Variants in DPP10 observed in about 807,000 individuals in gnomAD.
DPP10 encodes dipeptidyl peptidase like 10.
DPP10 carries 33 observed loss-of-function variants against 120.9 expected under a neutral mutation model. The ratio of observed to expected loss-of-function variants is 0.27; its 90% CI spans 0.21 to 0.37. The LOEUF is 0.37. DPP10 is among the 10% of genes least tolerant of loss of function. DPP10 has a pLI of 1.00. For synonymous variants in DPP10, 337 were observed against 326.1 expected (o/e 1.03, Z -0.36); for missense variants, 816 against 942.8 (o/e 0.87, Z 1.76).
intron 1 of DPP10, among the ~76,000 whole-genome samples, chr2:115,085,667 A>T (rs79359708): frequency 0.056 from 8,517 of 152,260 alleles, 305 homozygotes; most frequent in East Asian, 0.15. Context: ...CCTTTAAAAA[A>T]CAGTGTTCCT....
chr2:115,279,094 C>G (rs2105860268), intron 1 of DPP10, among the ~76,000 whole-genome samples: 1 of 152,246 alleles, frequency 6.6e-6, no homozygotes, highest in East Asian at 1.9e-4. Flanking sequence ...TCAAGTTAGA[C>G]TTCACCAAAA....
intron 3 of DPP10, among the ~76,000 whole-genome samples, chr2:115,344,517 G>A (rs1353603003): frequency 1.3e-4 from 20 of 152,048 alleles, no homozygotes; most frequent in African/African-American, 4.6e-4. Context: ...AAGCTAGTGA[G>A]ACTCTATGCA....
intron 17 of DPP10, among the ~76,000 whole-genome samples, chr2:115,788,573 A>G (rs932997871): frequency 6.6e-6 from 1 of 152,248 alleles, no homozygotes; most frequent in Non-Finnish European, 1.5e-5. Context: ...TACAAATGCT[A>G]TAGATATTAG....
chr2:115,262,618 T>G (rs534445652), intron 1 of DPP10, among the ~76,000 whole-genome samples: 4 of 152,242 alleles, frequency 2.6e-5, no homozygotes, highest in Admixed American at 2.6e-4. Flanking sequence ...AAATAAAAAT[T>G]CAAGTTTTCC....
intron 21 of DPP10, among the ~76,000 whole-genome samples, chr2:115,819,526 T>G (rs1395107642): frequency 6.6e-6 from 1 of 152,198 alleles, no homozygotes; most frequent in Non-Finnish European, 1.5e-5. Context: ...CATCCCTCTT[T>G]TTTTTGTTCA....
chr2:115,303,261 A>G (rs1197353530), intron 1 of DPP10, among the ~76,000 whole-genome samples: 3 of 151,982 alleles, frequency 2.0e-5, no homozygotes, highest in African/African-American at 7.2e-5. Flanking sequence ...TAAATAGTGC[A>G]AAAGTTATTT....
chr2:115,376,624 A>G (rs1047821923), intron 3 of DPP10, among the ~76,000 whole-genome samples: 24 of 151,426 alleles, frequency 1.6e-4, no homozygotes, highest in Non-Finnish European at 2.7e-4. Flanking sequence ...AGATGTATAC[A>G]TGTGCCATGC....
At chr2:114,932,947 T>C (rs1041339609) in intron 1 of DPP10, among the ~76,000 whole-genome samples, 4 of 152,182 alleles carry the variant, frequency 2.6e-5, no homozygotes, top group East Asian at 1.9e-4. Context: ...GCCTTATCTA[T>C]CTTTAAGTGG....
chr2:115,185,592 G>C (rs988549877), intron 1 of DPP10, among the ~76,000 whole-genome samples: 1 of 152,072 alleles, frequency 6.6e-6, no homozygotes, highest in African/African-American at 2.4e-5. Flanking sequence ...GTCAATCTAT[G>C]TTAAAACCAC....
At chr2:114,445,005 A>G (rs1008382999) in intron 1 of DPP10, among the ~76,000 whole-genome samples, 7 of 152,198 alleles carry the variant, frequency 4.6e-5, no homozygotes, top group Admixed American at 3.3e-4. Context: ...AATTTATACT[A>G]AAAATGGCTA....
At chr2:114,592,851 T>C (rs577344087) in intron 1 of DPP10, among the ~76,000 whole-genome samples, 12 of 152,324 alleles carry the variant, frequency 7.9e-5, no homozygotes, top group Admixed American at 1.3e-4. Context: ...ATACCTTAAA[T>C]GTTTATGTGT....
At chr2:115,617,087 T>C (rs2084562097) in intron 5 of DPP10, among the ~76,000 whole-genome samples, 1 of 150,308 alleles carries the variant, frequency 6.7e-6, no homozygotes, top group African/African-American at 2.4e-5. Flanking sequence ...TTTATAATTT[T>C]ATATTTTAGA....
intron 5 of DPP10, among the ~76,000 whole-genome samples, chr2:115,586,596 G>C (rs1451145749): frequency 1.3e-5 from 2 of 152,106 alleles, no homozygotes; most frequent in African/African-American, 2.4e-5. Flanking sequence ...TTTTCCCACA[G>C]GCTCACCTTC....
intron 1 of DPP10, among the ~76,000 whole-genome samples, chr2:115,047,794 C>G (rs1261276194): frequency 6.6e-6 from 1 of 152,048 alleles, no homozygotes; most frequent in Non-Finnish European, 1.5e-5. Context: ...GGCTAGATTA[C>G]TTCTTGCTGA....
chr2:114,940,914 A>C (rs1297519442), intron 1 of DPP10, among the ~76,000 whole-genome samples: 1 of 152,120 alleles, frequency 6.6e-6, no homozygotes, highest in East Asian at 1.9e-4. Flanking sequence ...TAAGTCACTA[A>C]TTACATTCCC....
chr2:115,239,368 C>A (rs1272473213), intron 1 of DPP10, among the ~76,000 whole-genome samples: 1 of 152,128 alleles, frequency 6.6e-6, no homozygotes, highest in Non-Finnish European at 1.5e-5. Context: ...CAAAATCCAT[C>A]GTCTTAATTT....
chr2:115,345,645 C>T (rs993986), intron 3 of DPP10, among the ~76,000 whole-genome samples: 97,896 of 151,866 alleles, frequency 0.64, 31,986 homozygotes, highest in Admixed American at 0.73. Context: ...TGGGTCTCAT[C>T]TCCCTTCTCA....
At chr2:114,856,302 A>G (rs555377260) in intron 1 of DPP10, among the ~76,000 whole-genome samples, 1 of 152,236 alleles carries the variant, frequency 6.6e-6, no homozygotes, top group African/African-American at 2.4e-5. Flanking sequence ...CATAAGATAT[A>G]AGTAGAAATG....
At chr2:114,929,019 C>T (rs1358964419) in intron 1 of DPP10, among the ~76,000 whole-genome samples, 1 of 152,074 alleles carries the variant, frequency 6.6e-6, no homozygotes, top group African/African-American at 2.4e-5. Flanking sequence ...AGAAAGAGTA[C>T]AAAAGAGAGA....
Sources: allele counts gnomAD v4.1 joint callset (sites outside exome capture counted in the v4.1 genomes callset), GRCh38; gene constraint gnomAD v4.1.1; transcripts MANE v1.5; gene names NCBI Gene and HGNC (gene_info 2026-07-23, HGNC 2026-07-21).